LRP1B: variants seen among roughly 807,000 people sequenced by gnomAD.
The protein encoded by LRP1B is low-density lipoprotein receptor-related protein 1B.
In LRP1B, 217 loss-of-function variants were observed where a neutral mutation model predicts 556.6. The observed-to-expected ratio is 0.39, with a 90% confidence interval of 0.35 to 0.44. LRP1B has a LOEUF of 0.44. Ranked by LOEUF, LRP1B falls within the 20% of genes least tolerant of loss-of-function variation. The pLI, the probability that LRP1B is intolerant of heterozygous loss-of-function variation, is 1.00. For synonymous variants in LRP1B, 2,047 were observed against 1,865.8 expected (o/e 1.10, Z -2.50); for missense variants, 5,053 against 5,620.8 (o/e 0.90, Z 3.23).
intron 76 of LRP1B, among the ~76,000 whole-genome samples, chr2:140,351,900 T>A (rs1681978505): frequency 6.6e-6 from 1 of 152,110 alleles, no homozygotes; most frequent in African/African-American, 2.4e-5. Flanking sequence ...GAAACTGAAC[T>A]GAGGCTCTGA....
At chr2:142,025,473 C>T (rs1359969597) in intron 1 of LRP1B, among the ~76,000 whole-genome samples, 1 of 152,098 alleles carries the variant, frequency 6.6e-6, no homozygotes, top group Non-Finnish European at 1.5e-5. Flanking sequence ...AAATTTGAAT[C>T]TAGGTATCCA....
intron 24 of LRP1B, among the ~76,000 whole-genome samples, 153 bp downstream of exon 24, chr2:140,885,985 G>T (rs551212788): frequency 6.6e-6 from 1 of 152,084 alleles, no homozygotes; most frequent in African/African-American, 2.4e-5. Context: ...TGCTCACACA[G>T]ATGCTCAATA....
intron 31 of LRP1B, among the ~76,000 whole-genome samples, chr2:140,836,003 T>A (rs938214641): frequency 1.4e-4 from 21 of 152,214 alleles, no homozygotes; most frequent in African/African-American, 4.6e-4. Context: ...CCTACATATA[T>A]ACGTATGTAA....
chr2:140,925,322 C>T (rs1315414555), intron 20 of LRP1B, among the ~76,000 whole-genome samples: 3 of 152,128 alleles, frequency 2.0e-5, no homozygotes, highest in Non-Finnish European at 4.4e-5. Flanking sequence ...TAACTTGAAA[C>T]TCCTACATTA....
intron 85 of LRP1B, among the ~76,000 whole-genome samples, chr2:140,272,305 G>A (rs1304317915): frequency 7.1e-6 from 1 of 140,742 alleles, no homozygotes; most frequent in Non-Finnish European, 1.5e-5. Context: ...AATATGTGAT[G>A]TATCACTTTC....
chr2:140,525,247 T>G (rs555283288), intron 49 of LRP1B, among the ~76,000 whole-genome samples: 2 of 152,006 alleles, frequency 1.3e-5, no homozygotes, highest in East Asian at 3.9e-4. Context: ...AATTTTTTTT[T>G]AATTTCATGT....
intron 1 of LRP1B, among the ~76,000 whole-genome samples, chr2:141,816,536 G>C (rs1696555947): frequency 6.6e-6 from 1 of 152,118 alleles, no homozygotes; most frequent in South Asian, 2.1e-4. Context: ...CAGACGAAAG[G>C]CTACACTATC....
intron 7 of LRP1B, among the ~76,000 whole-genome samples, chr2:141,144,875 G>A (rs979246059): frequency 2.0e-5 from 3 of 152,174 alleles, no homozygotes; most frequent in African/African-American, 7.2e-5. Context: ...AGCTTGTATG[G>A]ATAAATGAAC....
At chr2:142,014,189 C>T (rs887323101) in intron 1 of LRP1B, among the ~76,000 whole-genome samples, 2 of 136,996 alleles carry the variant, frequency 1.5e-5, no homozygotes, top group Admixed American at 6.9e-5. Flanking sequence ...TCTTAATAAA[C>T]TTGTTTTCAC....
chr2:142,078,133 T>A (rs1310167342), intron 1 of LRP1B, among the ~76,000 whole-genome samples: 2 of 152,150 alleles, frequency 1.3e-5, no homozygotes, highest in Non-Finnish European at 2.9e-5. Flanking sequence ...CCACACGATA[T>A]GCATACATCA....
At chr2:141,796,993 G>A (rs7583921) in intron 2 of LRP1B, among the ~76,000 whole-genome samples, 4,964 of 151,034 alleles carry the variant, frequency 0.033, 297 homozygotes, top group African/African-American at 0.11. Flanking sequence ...TCCGTGTCTC[G>A]AGGAGTTTTT....
At chr2:141,785,056 C>G (rs980230659) in intron 2 of LRP1B, among the ~76,000 whole-genome samples, 1 of 151,916 alleles carries the variant, frequency 6.6e-6, no homozygotes, top group African/African-American at 2.4e-5. Flanking sequence ...ATTTCCTTCT[C>G]CCTCCTAACT....
chr2:141,083,387 T>TAA (rs559929650), intron 7 of LRP1B, among the ~76,000 whole-genome samples: 4 of 135,108 alleles, frequency 3.0e-5, no homozygotes, highest in East Asian at 4.3e-4. Context: ...CAGGGATGAT[T>TAA]AAAAAAAAAA....
chr2:141,610,614 G>A (rs534866378), intron 2 of LRP1B, among the ~76,000 whole-genome samples: 18 of 152,058 alleles, frequency 1.2e-4, no homozygotes, highest in Non-Finnish European at 1.6e-4. Context: ...CATCCTGCGC[G>A]TAACCTCGTG....
chr2:140,868,615 A>G (rs780030261), intron 25 of LRP1B, among the ~76,000 whole-genome samples: 23 of 152,258 alleles, frequency 1.5e-4, no homozygotes, highest in South Asian at 1.0e-3. Flanking sequence ...GGCAAGTAGA[A>G]TAAACAACAT....
At position 141,237,356 on chromosome 2, in the gene LRP1B, T is replaced by G. The variant is rs1200673124; in HGVS notation, c.593-7916A>C. The stretch of plus-strand genomic sequence containing the variant: ...TTGTTTTGTTTTGTGTTCTAGTGTT[T>G]TTTTTTTTTTTTTTTAATTCTGATT... On this transcript the variant is annotated intron_variant, in intron 5 of 90. Coordinates refer to ENST00000389484, the MANE Select transcript of LRP1B (RefSeq NM_018557.3). 4.2e-5 allele frequency among the ~76,000 whole-genome samples: 6 copies of G among 144,350 alleles called. 1 individual carries two copies. Among genetic ancestry groups the G allele is most frequent in the East Asian group, 4.1e-4 (2 of 4,926 alleles). The allele number at this position is 144,350 out of a possible 152,430, so 94.7% of individuals were successfully genotyped here. A position where few individuals can be genotyped will look rare whatever the true frequency, so the allele number is the denominator to read the frequency against.
intron 1 of LRP1B, among the ~76,000 whole-genome samples, chr2:142,096,602 C>T (rs926000995): frequency 2.0e-4 from 31 of 151,660 alleles, no homozygotes; most frequent in Middle Eastern, 6.8e-3. Flanking sequence ...TAATTATTGG[C>T]TATGAAACTA....
chr2:140,516,921 T>C lies in LRP1B; in HGVS notation c.8117A>G (p.Asp2706Gly). Reference protein sequence around the residue: ...LNTWICDGQKDCEDGRDEFHC... With the variant: ...LNTWICDGQKGCEDGRDEFHC... Reference sequence around the variant, plus strand: ...GAATTCATCACGTCCATCCTCACAATCTTTCTGACCATCGCATATCCAGGT... The same window carrying C: ...GAATTCATCACGTCCATCCTCACAACCTTTCTGACCATCGCATATCCAGGT... Residue 2706 changes from aspartate to glycine, a missense_variant, in exon 50 of 91, where the codon GAT (aspartate) becomes GGT (glycine). This residue lies in a region of LRP1B where 3,619 missense variants were observed against 3,931.9 expected (regional missense o/e 0.92). Transcript: ENST00000389484. The C allele has an allele frequency of 6.2e-7, 1 of 1,613,434 alleles. No homozygotes were observed. Among genetic ancestry groups the C allele is most frequent in the Non-Finnish European group, 8.5e-7 (1 of 1,179,630 alleles).
At chr2:141,865,609 A>G (rs1373307104) in intron 1 of LRP1B, among the ~76,000 whole-genome samples, 82 of 63,282 alleles carry the variant, frequency 1.3e-3, no homozygotes, top group African/African-American at 2.8e-3. Flanking sequence ...AAAAAAAAAG[A>G]AAAAAAAAAA....
Sources: gnomAD v4.1 joint callset for allele counts (sites outside exome capture counted in the v4.1 genomes callset) on GRCh38, gnomAD v4.1.1 for gene constraint, gnomAD v4.1.1 regional missense constraint, MANE v1.5 for transcripts, NCBI Gene and HGNC (gene_info 2026-07-23, HGNC 2026-07-21) for gene names.